The following RGS6 variants were observed in gnomAD, a reference collection of about 807,000 sequenced individuals.
The protein encoded by RGS6 is regulator of G protein signaling 6, also known as regulator of G-protein signaling 6.
RGS6 carries 30 observed loss-of-function variants against 78.5 expected under a neutral mutation model. The observed-to-expected ratio is 0.38, with a 90% CI of 0.29 to 0.52. RGS6 has a LOEUF of 0.52. Ranked by LOEUF, RGS6 falls within the 20% of genes least tolerant of loss-of-function variation. The probability of loss-of-function intolerance (pLI) is 0.85; values close to 1 mark genes in which losing one functional copy is unlikely to be tolerated. For synonymous variants in RGS6, 206 were observed against 206.0 expected (o/e 1.00, Z 0.00); for missense variants, 495 against 609.7 (o/e 0.81, Z 1.98).
chr14:72,377,864 G>A (rs912151525), intron 3 of RGS6, among the ~76,000 whole-genome samples: 2 of 152,168 alleles, frequency 1.3e-5, no homozygotes, highest in African/African-American at 2.4e-5. Flanking sequence ...TGTGGTCCCA[G>A]CTACTCAGGC....
At chr14:72,054,189 T>A (rs940298597) in intron 2 of RGS6, among the ~76,000 whole-genome samples, 2 of 152,210 alleles carry the variant, frequency 1.3e-5, no homozygotes, top group Non-Finnish European at 2.9e-5. Flanking sequence ...TACAGAAATA[T>A]AAAGAGTATA....
At chr14:72,410,488 G>T (rs539489246) in intron 3 of RGS6, among the ~76,000 whole-genome samples, 12 of 152,222 alleles carry the variant, frequency 7.9e-5, no homozygotes, top group African/African-American at 2.9e-4. Flanking sequence ...AGATGAATAG[G>T]TTGCAAACAT....
At chr14:72,108,229 A>C (rs2095674497) in intron 2 of RGS6, among the ~76,000 whole-genome samples, 1 of 152,140 alleles carries the variant, frequency 6.6e-6, no homozygotes, top group Non-Finnish European at 1.5e-5. Context: ...ATTTTCTTTC[A>C]TTGAGTACCC....
At chr14:72,513,526 G>T (rs956531844) in intron 14 of RGS6, among the ~76,000 whole-genome samples, 2 of 152,212 alleles carry the variant, frequency 1.3e-5, no homozygotes, top group African/African-American at 4.8e-5. Context: ...TTTGCACCGA[G>T]TGGACCCACA....
chr14:72,555,512 A>AAATC (rs1215985847), intron 17 of RGS6, among the ~76,000 whole-genome samples: 1 of 152,236 alleles, frequency 6.6e-6, no homozygotes, highest in Non-Finnish European at 1.5e-5. Flanking sequence ...GAAGTTGAGA[A>AAATC]AATCACCCTG....
intron 12 of RGS6, among the ~76,000 whole-genome samples, chr14:72,483,669 A>G (rs2096428266): frequency 6.6e-6 from 1 of 151,410 alleles, no homozygotes; most frequent in Non-Finnish European, 1.5e-5. Context: ...TTCAGAAACC[A>G]TGGGGTCTTT....
At chr14:72,030,420 A>G (rs970529772) in intron 2 of RGS6, among the ~76,000 whole-genome samples, 5 of 152,202 alleles carry the variant, frequency 3.3e-5, no homozygotes, top group African/African-American at 1.2e-4. Flanking sequence ...TATTATGCAA[A>G]TACTAAAGGA....
At position 72,076,418 on chromosome 14, in the gene RGS6, T is replaced by C. The variant is rs570418370; in HGVS notation, c.84+111543T>C. 5.3e-5 allele frequency among the ~76,000 whole-genome samples: 8 copies of C among 152,332 alleles called. No homozygotes were observed. In the South Asian group the frequency reaches 6.2e-4, roughly 12 times the overall value. ...TCAACTGTTTGGTATTTCTTTTCTG[T>C]TTTTCAAAATCTAATGAACACTCCA... On this transcript the variant is annotated intron_variant, in intron 2 of 17. Coordinates refer to ENST00000553525, the MANE Select transcript of RGS6 (RefSeq NM_001204424.2).
At chr14:72,315,860 G>A (rs2070024537) in intron 2 of RGS6, among the ~76,000 whole-genome samples, 1 of 152,188 alleles carries the variant, frequency 6.6e-6, no homozygotes, top group African/African-American at 2.4e-5. Flanking sequence ...CAGGCAGTGT[G>A]GCAGACTCAG....
At chr14:72,467,862 C>T (rs2095964010) in intron 7 of RGS6, among the ~76,000 whole-genome samples, 1 of 152,162 alleles carries the variant, frequency 6.6e-6, no homozygotes, top group Non-Finnish European at 1.5e-5. Context: ...TGCTGTTGTA[C>T]TCTTTGTGCG....
intron 2 of RGS6, among the ~76,000 whole-genome samples, chr14:71,986,843 CTTCTAGAGGCTGCCTACA>C (rs1048027991): frequency 2.6e-5 from 4 of 152,188 alleles, no homozygotes; most frequent in Non-Finnish European, 4.4e-5. Flanking sequence ...CCTTTTCCAG[CTTCTAGAGGCTGCCTACA>C]TTCCCTAAGT....
At chr14:72,518,324 C>A in intron 14 of RGS6, 27 bp from the exon 15 acceptor site, 1 of 1,606,418 alleles carries the variant, frequency 6.2e-7, no homozygotes, top group Non-Finnish European at 8.5e-7. Flanking sequence ...CCCCCTGGAA[C>A]TGACTGTGTT....
chr14:72,286,507 C>T (rs748429125), intron 2 of RGS6, among the ~76,000 whole-genome samples: 11 of 146,734 alleles, frequency 7.5e-5, no homozygotes, highest in African/African-American at 1.1e-4. Flanking sequence ...TTTGTGGTTC[C>T]ATGAGAATTT....
intron 2 of RGS6, among the ~76,000 whole-genome samples, chr14:72,088,308 T>C (rs1269680412): frequency 6.6e-6 from 1 of 152,214 alleles, no homozygotes; most frequent in African/African-American, 2.4e-5. Flanking sequence ...GCACTCCTCC[T>C]TCCCATTATC....
intron 2 of RGS6, among the ~76,000 whole-genome samples, chr14:72,055,029 T>C (rs959181816): frequency 6.6e-6 from 1 of 152,234 alleles, no homozygotes. Context: ...TCAATACTCA[T>C]GTCATTGGGC....
At chr14:72,389,740 A>C (rs561637199) in intron 3 of RGS6, among the ~76,000 whole-genome samples, 19 of 152,334 alleles carry the variant, frequency 1.2e-4, no homozygotes, top group African/African-American at 4.3e-4. Context: ...CACACACACA[A>C]AAATTGTTTT....
chr14:72,447,300 C>A (rs191159962), intron 3 of RGS6, among the ~76,000 whole-genome samples: 1 of 152,268 alleles, frequency 6.6e-6, no homozygotes, highest in Non-Finnish European at 1.5e-5. Context: ...CCGGGAAATG[C>A]GCATCCTGGA....
intron 3 of RGS6, among the ~76,000 whole-genome samples, chr14:72,448,738 A>G (rs1255852390): frequency 1.3e-5 from 2 of 152,204 alleles, no homozygotes; most frequent in Non-Finnish European, 2.9e-5. Flanking sequence ...AACTGAATAC[A>G]TACAGAATAT....
intron 2 of RGS6, among the ~76,000 whole-genome samples, chr14:72,249,738 AAG>A (rs1279915129): frequency 3.3e-5 from 5 of 152,152 alleles, no homozygotes; most frequent in African/African-American, 1.2e-4. Flanking sequence ...AGTGAGGAGT[AAG>A]AGGGGTGAGA....
Sources: allele counts gnomAD v4.1 joint callset (sites outside exome capture counted in the v4.1 genomes callset), GRCh38; gene constraint gnomAD v4.1.1; transcripts MANE v1.5; gene names NCBI Gene and HGNC (gene_info 2026-07-23, HGNC 2026-07-21).